The following RBPMS variants were observed in gnomAD, a reference collection of about 807,000 sequenced individuals.
RBPMS encodes RNA binding protein, mRNA processing factor.
RBPMS carries 7 observed loss-of-function variants against 26.8 expected under a neutral mutation model. That is an observed-to-expected ratio of 0.26 (90% CI 0.15 to 0.49). RBPMS has a LOEUF of 0.49. RBPMS is among the 20% of genes least tolerant of loss of function. The probability of loss-of-function intolerance (pLI) is 0.98; values close to 1 mark genes in which losing one functional copy is unlikely to be tolerated. For missense variants in RBPMS, 186 were observed against 250.0 expected, an observed-to-expected ratio of 0.74 and a Z score of 1.73; for synonymous variants, 96 against 93.3, an observed-to-expected ratio of 1.03 and a Z score of -0.17.
At chr8:30,504,647 C>T (rs936684446) in intron 5 of RBPMS, among the ~76,000 whole-genome samples, 4 of 152,152 alleles carry the variant, frequency 2.6e-5, no homozygotes, top group African/African-American at 9.7e-5. Context: ...TTGAATAGAA[C>T]CATAACTTCA....
chr8:30,463,521 GCTGCTT>G (rs1360572997), intron 1 of RBPMS, among the ~76,000 whole-genome samples: 1 of 152,220 alleles, frequency 6.6e-6, no homozygotes, highest in African/African-American at 2.4e-5. Context: ...TAATTCAAGA[GCTGCTT>G]CTGCTAAAGA....
At chr8:30,557,982 A>G (rs999637177) in intron 6 of RBPMS, among the ~76,000 whole-genome samples, 10 of 152,174 alleles carry the variant, frequency 6.6e-5, no homozygotes, top group African/African-American at 2.4e-4. Flanking sequence ...CTCCTGCCTC[A>G]GCCTCCCAAG....
chr8:30,491,960 G>A (rs1819446412), intron 4 of RBPMS, among the ~76,000 whole-genome samples: 1 of 151,718 alleles, frequency 6.6e-6, no homozygotes, highest in East Asian at 2.0e-4. Flanking sequence ...GCACAATCTC[G>A]GCTCACTGCA....
chr8:30,571,243 AG>A lies in RBPMS; in HGVS notation c.*719del, dbSNP rs1828240992. 1 of 152,184 alleles carries A rather than the reference AG, an allele frequency of 6.6e-6. No homozygotes were observed. The highest frequency in any genetic ancestry group is 1.5e-5 in the Non-Finnish European group (1 of 68,044). The allele number at this position is 152,184 out of a possible 1,614,324, so 9.4% of individuals were successfully genotyped here. The stretch of plus-strand genomic sequence containing the variant: ...CCTATGGCTTATTCACAACTGGGCA[AG>A]AAAACATCATTGGTAAGAACTGCTG... On this transcript the variant is annotated 3_prime_UTR_variant, in exon 9 of 9. Coordinates refer to ENST00000397323, the MANE Select transcript of RBPMS (RefSeq NM_001008710.3).
chr8:30,388,834 T>C (rs1585318165), intron 1 of RBPMS, among the ~76,000 whole-genome samples: 1 of 152,272 alleles, frequency 6.6e-6, no homozygotes, highest in Non-Finnish European at 1.5e-5. Context: ...CTTAAATTGC[T>C]TTGAATTGAC....
intron 1 of RBPMS, among the ~76,000 whole-genome samples, chr8:30,427,964 G>A (rs1811535173): frequency 6.6e-6 from 1 of 151,578 alleles, no homozygotes. Context: ...TGAGGTGGGA[G>A]GATCACTTGA....
At chr8:30,495,004 C>T (rs367543392) in intron 4 of RBPMS, among the ~76,000 whole-genome samples, 2 of 152,106 alleles carry the variant, frequency 1.3e-5, no homozygotes, top group African/African-American at 4.8e-5. Context: ...AAGAAGTGGC[C>T]TAGTCACTAG....
chr8:30,569,532 G>A (rs975816905), intron 8 of RBPMS, among the ~76,000 whole-genome samples: 1 of 152,342 alleles, frequency 6.6e-6, no homozygotes, highest in East Asian at 1.9e-4. Context: ...GCTGAAAGTA[G>A]ACTGCGGCCA....
intron 1 of RBPMS, among the ~76,000 whole-genome samples, chr8:30,408,450 A>G (rs1808905021): frequency 2.6e-5 from 4 of 152,202 alleles, no homozygotes; most frequent in Non-Finnish European, 5.9e-5. Context: ...AATCGCTTGA[A>G]TCCAGGAGAA....
intron 1 of RBPMS, among the ~76,000 whole-genome samples, chr8:30,471,895 T>G (rs1817146295): frequency 6.6e-6 from 1 of 152,126 alleles, no homozygotes; most frequent in Non-Finnish European, 1.5e-5. Context: ...ACAACAAACT[T>G]GATGTAATTG....
At position 30,479,380 on chromosome 8, in the gene RBPMS, A is replaced by G. The variant is rs955055701; in HGVS notation, c.246+3A>G. On this transcript the variant is annotated splice_donor_region_variant and intron_variant, in intron 4 of 8. Transcript: ENST00000397323. Reference sequence around the variant, plus strand: ...AGGCTGCAAAGAATGCTTTGAATGTAAGTACTAATGATGTAATTGTAGGGG... The same window carrying G: ...AGGCTGCAAAGAATGCTTTGAATGTGAGTACTAATGATGTAATTGTAGGGG... 2.7e-5 allele frequency: 43 copies of G among 1,596,370 alleles called. No homozygotes were observed. Among genetic ancestry groups the G allele is most frequent in the Non-Finnish European group, 3.6e-5 (42 of 1,169,144 alleles).
At chr8:30,532,407 T>A (rs951189103) in intron 5 of RBPMS, among the ~76,000 whole-genome samples, 1 of 152,242 alleles carries the variant, frequency 6.6e-6, no homozygotes. Context: ...TAATGTCAGT[T>A]ACTAATGTTA....
intron 1 of RBPMS, among the ~76,000 whole-genome samples, chr8:30,409,052 C>T (rs1808983987): frequency 6.6e-6 from 1 of 152,154 alleles, no homozygotes; most frequent in South Asian, 2.1e-4. Flanking sequence ...AATGATACCG[C>T]CATTGTATGG....
At position 30,570,834 on chromosome 8, in the gene RBPMS, G is replaced by A. The variant is rs1194988690; in HGVS notation, c.*309G>A. The A allele has an allele frequency of 3.3e-5, 5 of 152,356 alleles. No homozygotes were observed. The highest frequency in any genetic ancestry group is 9.7e-5 in the African/African-American group (4 of 41,352). 9.4% of individuals were successfully genotyped at this position (152,356 alleles called of 1,614,324 possible). On this transcript the variant is annotated 3_prime_UTR_variant, in exon 9 of 9. Transcript: ENST00000397323. ...GTACAGTTTGGAGATATTTTCAAAC[G>A]AAACGTAAGAGAAGTCAACAATAAA...
intron 1 of RBPMS, among the ~76,000 whole-genome samples, chr8:30,456,169 C>T (rs1815186063): frequency 6.6e-6 from 1 of 152,118 alleles, no homozygotes; most frequent in South Asian, 2.1e-4. Context: ...ATATATTTAT[C>T]TGATATTTGT....
rs577249904 is a variant in RBPMS at position 30,504,444 on chromosome 8, G to A, written c.397+8G>A. 7 of 1,612,960 alleles carry A rather than the reference G, an allele frequency of 4.3e-6. No individual in the cohort carries two copies. The highest frequency in any genetic ancestry group is 2.2e-5 in the East Asian group (1 of 44,876). ...TCATTGCCAGAGAGCCATGTAAGTC[G>A]ATCTACTTTTCATTCAAAAGTAATA... On this transcript the variant is annotated splice_region_variant and intron_variant, in intron 5 of 8. Coordinates refer to ENST00000397323, the MANE Select transcript of RBPMS (RefSeq NM_001008710.3).
intron 6 of RBPMS, chr8:30,556,120 A>G: frequency 1.0e-6 from 1 of 985,308 alleles, no homozygotes. Flanking sequence ...CCACTTGGCA[A>G]GCACATAGTG....
At chr8:30,411,680 A>G (rs570853964) in intron 1 of RBPMS, among the ~76,000 whole-genome samples, 33 of 141,534 alleles carry the variant, frequency 2.3e-4, no homozygotes, top group Non-Finnish European at 4.1e-4. Context: ...AAAAAAAAAA[A>G]AAAAGAAAAA....
intron 1 of RBPMS, among the ~76,000 whole-genome samples, chr8:30,423,599 TC>T: frequency 6.7e-6 from 1 of 150,262 alleles, no homozygotes; most frequent in Non-Finnish European, 1.5e-5. Flanking sequence ...TCTGCTTGTG[TC>T]TCAGGACCAA....
Sources: allele counts gnomAD v4.1 joint callset (sites outside exome capture counted in the v4.1 genomes callset), GRCh38; gene constraint gnomAD v4.1.1; transcripts MANE v1.5; gene names NCBI Gene and HGNC (gene_info 2026-07-23, HGNC 2026-07-21).